The following CNTN1 variants were observed in gnomAD, a reference collection of about 807,000 sequenced individuals.
CNTN1 encodes the protein contactin-1.
Under a neutral mutation model 126.4 loss-of-function variants are expected in CNTN1, and 38 were observed. The ratio of observed to expected loss-of-function variants is 0.30; its 90% CI spans 0.23 to 0.39. The LOEUF (loss-of-function observed/expected upper bound fraction) is 0.39. Among genes scored for constraint, CNTN1 ranks in the 10% least tolerant of loss-of-function variants. CNTN1 has a pLI of 1.00. For synonymous variants in CNTN1, 413 were observed against 422.6 expected (o/e 0.98, Z 0.28); for missense variants, 1,009 against 1,248.4 (o/e 0.81, Z 2.89).
At chr12:40,702,601 T>C (rs1335642247) in intron 1 of CNTN1, among the ~76,000 whole-genome samples, 1 of 152,074 alleles carries the variant, frequency 6.6e-6, no homozygotes, top group Non-Finnish European at 1.5e-5. Context: ...CCTGCCACCA[T>C]GCTCCGCTAA....
intron 1 of CNTN1, among the ~76,000 whole-genome samples, chr12:40,872,913 G>C (rs1422297325): frequency 1.3e-5 from 2 of 152,078 alleles, no homozygotes; most frequent in East Asian, 3.8e-4. Context: ...GCAACCTTAT[G>C]AATCTGGTAC....
At chr12:40,872,596 G>A (rs1592187711) in intron 1 of CNTN1, among the ~76,000 whole-genome samples, 1 of 103,834 alleles carries the variant, frequency 9.6e-6, no homozygotes, top group East Asian at 2.8e-4. Flanking sequence ...TTTTTGAGAT[G>A]GAGTCTGGCT....
Position 40,888,070 on chromosome 12 carries a change from C to T in CNTN1, c.-76-20287C>T, listed in dbSNP as rs576743063. Among the ~76,000 whole-genome samples, 131 of 151,276 alleles carry T rather than the reference C, an allele frequency of 8.7e-4. 1 individual carries two copies. Among genetic ancestry groups the T allele is most frequent in the African/African-American group, 2.3e-3 (95 of 41,200 alleles). On this transcript the variant is annotated intron_variant, in intron 1 of 23. Transcript: ENST00000551295. The stretch of plus-strand genomic sequence containing the variant: ...AGGAGATATACCTAATGCTAAATGA[C>T]GAGTTAATGGGTGCAGTACACCAAC...
chr12:40,818,321 G>GT (rs1377240382), intron 1 of CNTN1, among the ~76,000 whole-genome samples: 2 of 152,048 alleles, frequency 1.3e-5, no homozygotes, highest in South Asian at 2.1e-4. Flanking sequence ...TGTAGGTTCA[G>GT]TTTTTTTATG....
intron 16 of CNTN1, among the ~76,000 whole-genome samples, chr12:40,985,070 T>A (rs1238028480): frequency 6.6e-6 from 1 of 152,116 alleles, no homozygotes; most frequent in Non-Finnish European, 1.5e-5. Flanking sequence ...TTTTGTAAGA[T>A]AAGTCTTTTA....
chr12:41,046,671 G>A (rs1009588520), intron 23 of CNTN1, among the ~76,000 whole-genome samples: 22 of 151,984 alleles, frequency 1.4e-4, no homozygotes, highest in African/African-American at 5.1e-4. Context: ...AAGAACCCCT[G>A]TAAATCTTAA....
chr12:40,979,085 A>G (rs1947756762), intron 15 of CNTN1: 1 of 152,158 alleles, frequency 6.6e-6, no homozygotes, highest in Non-Finnish European at 1.5e-5. Context: ...AAAATGCAAT[A>G]TGTTCTCTCT....
chr12:41,022,199 A>G (rs1948929534), intron 20 of CNTN1, among the ~76,000 whole-genome samples: 2 of 152,186 alleles, frequency 1.3e-5, no homozygotes, highest in South Asian at 4.1e-4. Context: ...ATGATAATTA[A>G]ATTAAATATG....
At chr12:40,972,034 G>C in intron 15 of CNTN1, 3 of 985,970 alleles carry the variant, frequency 3.0e-6, no homozygotes, top group Non-Finnish European at 3.6e-6. Flanking sequence ...TGGCATGAAA[G>C]AATGAAAAGC....
intron 1 of CNTN1, among the ~76,000 whole-genome samples, chr12:40,774,126 G>T (rs1939483491): frequency 6.6e-6 from 1 of 151,600 alleles, no homozygotes; most frequent in Non-Finnish European, 1.5e-5. Context: ...AAGGAAGATT[G>T]TAAGATAACA....
intron 23 of CNTN1, among the ~76,000 whole-genome samples, chr12:41,042,000 G>T (rs1185063119): frequency 1.3e-5 from 2 of 151,986 alleles, no homozygotes; most frequent in Non-Finnish European, 2.9e-5. Flanking sequence ...TCTTTTAATT[G>T]TGATGTTAGG....
chr12:40,954,648 C>T (rs1371340490), intron 14 of CNTN1, among the ~76,000 whole-genome samples: 2 of 152,070 alleles, frequency 1.3e-5, no homozygotes, highest in African/African-American at 2.4e-5. Context: ...CAAAAATCAC[C>T]CTCAGTTTCC....
intron 1 of CNTN1, among the ~76,000 whole-genome samples, chr12:40,718,329 C>T (rs974903842): frequency 1.2e-4 from 18 of 152,094 alleles, no homozygotes; most frequent in African/African-American, 2.9e-4. Context: ...CTACCATGCC[C>T]GGCTAATTTT....
At chr12:40,700,642 T>A (rs529012066) in intron 1 of CNTN1, among the ~76,000 whole-genome samples, 1 of 152,306 alleles carries the variant, frequency 6.6e-6, no homozygotes, top group Non-Finnish European at 1.5e-5. Context: ...GAGAACCAGA[T>A]AGGTCAAATG....
At chr12:41,068,910 G>T (rs572003852) in intron 23 of CNTN1, among the ~76,000 whole-genome samples, 1 of 152,276 alleles carries the variant, frequency 6.6e-6, no homozygotes, top group Admixed American at 6.5e-5. Context: ...AGGATCACAT[G>T]GGCCCAGGAG....
intron 2 of CNTN1, among the ~76,000 whole-genome samples, chr12:40,908,991 T>C (rs1189996668): frequency 6.6e-6 from 1 of 152,158 alleles, no homozygotes; most frequent in African/African-American, 2.4e-5. Flanking sequence ...TGTAAATTAA[T>C]ACAATTTTTA....
intron 5 of CNTN1, among the ~76,000 whole-genome samples, chr12:40,922,969 T>TAAAAA (rs35911311): frequency 9.8e-5 from 10 of 101,584 alleles, no homozygotes; most frequent in Admixed American, 5.8e-4. Context: ...GACTCTGCCT[T>TAAAAA]AAAAAAAAAA....
At chr12:41,029,861 A>G (rs1456003577) in intron 23 of CNTN1, among the ~76,000 whole-genome samples, 2 of 150,700 alleles carry the variant, frequency 1.3e-5, no homozygotes, top group African/African-American at 4.9e-5. Context: ...TATTTCTCAC[A>G]CCTTTGTTTG....
At chr12:40,708,561 A>G (rs545732649) in intron 1 of CNTN1, among the ~76,000 whole-genome samples, 1 of 152,318 alleles carries the variant, frequency 6.6e-6, no homozygotes, top group East Asian at 1.9e-4. Context: ...TTCTAAAAAG[A>G]TGACACTGAG....
Sources: allele counts gnomAD v4.1 joint callset (sites outside exome capture counted in the v4.1 genomes callset), GRCh38; gene constraint gnomAD v4.1.1; transcripts MANE v1.5; gene names NCBI Gene and HGNC (gene_info 2026-07-23, HGNC 2026-07-21).